DMBX1: variants seen among roughly 807,000 people sequenced by gnomAD.
DMBX1 encodes diencephalon/mesencephalon homeobox protein 1.
In DMBX1, 7 loss-of-function variants were observed where a neutral mutation model predicts 30.4. The observed-to-expected ratio is 0.23, with a 90% confidence interval of 0.13 to 0.43. The LOEUF is 0.43. DMBX1 is among the 20% of genes least tolerant of loss of function. The pLI is 1.00. For missense variants in DMBX1, 460 were observed against 508.5 expected, an observed-to-expected ratio of 0.90 and a Z score of 0.92; for synonymous variants, 222 against 214.2, an observed-to-expected ratio of 1.04 and a Z score of -0.32.
At chr1:46,494,558 C>T (rs752611196) in intron 2 of DMBX1, among the ~76,000 whole-genome samples, 18 of 152,136 alleles carry the variant, frequency 1.2e-4, no homozygotes, top group African/African-American at 1.7e-4. Context: ...GGCCACTGGC[C>T]GGTGGTTGGC....
chr1:46,512,119 G>T lies in DMBX1; in HGVS notation c.759G>T (p.Ser253=), dbSNP rs114951731. The change falls in exon 6 of 6, where the codon TCG becomes TCT. Residue 253 remains serine, a synonymous_variant. Transcript: ENST00000360032. The surrounding 1 kb of genome is among the most constrained non-coding windows in gnomAD (Gnocchi z 4.8). ...GLLGPSHSYS[S]SPLSLFRLQE... ...TGGGCCCCTCCCACTCCTATTCCTCGTCCCCGCTGAGCCTCTTCCGTCTGC... is the reference window on the plus strand; with the variant it reads ...TGGGCCCCTCCCACTCCTATTCCTCTTCCCCGCTGAGCCTCTTCCGTCTGC... 1.2e-6 allele frequency: 2 copies of T among 1,613,770 alleles called. No homozygotes were observed. Among genetic ancestry groups the T allele is most frequent in the Non-Finnish European group, 1.7e-6 (2 of 1,179,930 alleles).
rs1047275612 is a variant in DMBX1, at chr1:46,510,034, G to T, written c.155-442G>T. 6.6e-6 allele frequency among the ~76,000 whole-genome samples: 1 copy of T among 152,136 alleles called. No individual in the cohort carries two copies. Among genetic ancestry groups the T allele is most frequent in the Non-Finnish European group, 1.5e-5 (1 of 68,016 alleles). On this transcript the variant is annotated intron_variant, in intron 3 of 5. Transcript: ENST00000360032. This position sits in a 1 kb window ranked among gnomAD's most constrained non-coding sequence, Gnocchi z 4.1. ...CCCAGCCTGGCTTCTCATGGGCAGG[G>T]ACCAGTACTCTGATGCTAAAGAAGT... is the stretch of plus-strand genomic sequence containing the variant.
chr1:46,501,080 G>A (rs1048014499), intron 2 of DMBX1, among the ~76,000 whole-genome samples: 7 of 152,032 alleles, frequency 4.6e-5, no homozygotes, highest in African/African-American at 1.2e-4. Context: ...ATAACCCTGT[G>A]TAATAATTTT....
chr1:46,514,772 T>C lies in DMBX1; in HGVS notation c.*2278T>C, dbSNP rs1009245525. On this transcript the variant is annotated 3_prime_UTR_variant, in exon 6 of 6. Transcript: ENST00000360032. The stretch of plus-strand genomic sequence containing the variant: ...TCCCAGTGGGAAGAGAGAGGTTCTG[T>C]TGGTGTCCTGGTTGAATTGCTTTGC... 1.3e-5 allele frequency among the ~76,000 whole-genome samples: 2 copies of C among 152,166 alleles called. No individual in the cohort carries two copies. Among genetic ancestry groups the C allele is most frequent in the African/African-American group, 4.8e-5 (2 of 41,442 alleles).
chr1:46,515,889 T>A lies in DMBX1; in HGVS notation c.*3395T>A, dbSNP rs1361475024. On this transcript the variant is annotated 3_prime_UTR_variant, in exon 6 of 6. Coordinates refer to ENST00000360032, the MANE Select transcript of DMBX1 (RefSeq NM_172225.2). Reference sequence around the variant, plus strand: ...AGTCTCCATTTCTCTGTTTCCTCACTCCCTCAGAGCATGGTCCAGGGGCCC... The same window carrying A: ...AGTCTCCATTTCTCTGTTTCCTCACACCCTCAGAGCATGGTCCAGGGGCCC... Among the ~76,000 whole-genome samples the A allele has an allele frequency of 6.6e-6, 1 of 152,264 alleles. No homozygotes were observed. The highest frequency in any genetic ancestry group is 1.9e-4 in the East Asian group (1 of 5,178).
chr1:46,508,582 C>G (rs185571985), intron 3 of DMBX1, among the ~76,000 whole-genome samples: 13 of 152,268 alleles, frequency 8.5e-5, no homozygotes, highest in African/African-American at 3.1e-4. Context: ...CAGCTCCTGA[C>G]AGTATTCCAG....
Position 46,499,140 on chromosome 1 carries a change from G to A in DMBX1, c.-12-7859G>A, listed in dbSNP as rs193154442. Among the ~76,000 whole-genome samples the A allele has an allele frequency of 4.6e-5, 7 of 151,838 alleles. No individual in the cohort carries two copies. In the East Asian group the frequency reaches 1.4e-3, roughly 29 times the overall value. On this transcript the variant is annotated intron_variant, in intron 2 of 5. Coordinates refer to ENST00000360032, the MANE Select transcript of DMBX1 (RefSeq NM_172225.2). ...CAACCTCCGCCTCCCCGGTTCAAGC[G>A]ATTCTCCTGCCTCAGCCTCCCGAGT...
intron 2 of DMBX1, among the ~76,000 whole-genome samples, chr1:46,503,297 T>C (rs1666172307): frequency 6.6e-6 from 1 of 152,206 alleles, no homozygotes; most frequent in Non-Finnish European, 1.5e-5. Context: ...CTCTTGTCAT[T>C]CTCCTCCTCT....
rs143132831 is a variant in DMBX1, at chr1:46,495,838, C to T, written c.-13+5055C>T. 6.4e-3 allele frequency among the ~76,000 whole-genome samples: 970 copies of T among 152,212 alleles called. 13 individuals carry two copies. The highest frequency in any genetic ancestry group is 0.022 in the African/African-American group (928 of 41,514). On this transcript the variant is annotated intron_variant, in intron 2 of 5. Coordinates refer to ENST00000360032, the MANE Select transcript of DMBX1 (RefSeq NM_172225.2). ...CATGCTGGTGGAGGGACAACATTCC[C>T]GGAGTGGGAGGCAGCCACATAGTAG...
rs779276083 is a variant in DMBX1 at position 46,510,141 on chromosome 1, C to T, written c.155-335C>T. On this transcript the variant is annotated intron_variant, in intron 3 of 5. Coordinates refer to ENST00000360032, the MANE Select transcript of DMBX1 (RefSeq NM_172225.2). This position sits in a 1 kb window ranked among gnomAD's most constrained non-coding sequence, Gnocchi z 4.1. Reference sequence around the variant, plus strand: ...ACAGATTATTAGCATCATGGAGTCTCAAAGTATACTCATAGTATCCATCTT... The same window carrying T: ...ACAGATTATTAGCATCATGGAGTCTTAAAGTATACTCATAGTATCCATCTT... Among the ~76,000 whole-genome samples the T allele has an allele frequency of 7.2e-5, 11 of 152,166 alleles. No homozygotes were observed. Among genetic ancestry groups the T allele is most frequent in the Non-Finnish European group, 1.5e-4 (10 of 68,038 alleles).
At position 46,515,460 on chromosome 1, in the gene DMBX1, C is replaced by G. The variant is rs944572111; in HGVS notation, c.*2966C>G. ...CTGTCATGGCTGGAGGCAGGCCCAC[C>G]TTAGGAGCAGCCGAGCTTCCCTCAG... On this transcript the variant is annotated 3_prime_UTR_variant, in exon 6 of 6. Transcript: ENST00000360032. 1.3e-5 allele frequency among the ~76,000 whole-genome samples: 2 copies of G among 152,216 alleles called. No homozygotes were observed. The highest frequency in any genetic ancestry group is 4.8e-5 in the African/African-American group (2 of 41,464).
At chr1:46,506,679 G>C (rs1666241776) in intron 2 of DMBX1, among the ~76,000 whole-genome samples, 1 of 152,142 alleles carries the variant, frequency 6.6e-6, no homozygotes, top group South Asian at 2.1e-4. Context: ...AGAAACTATG[G>C]GTCAGATAAG....
At chr1:46,508,106 AC>A (rs1192299776) in intron 3 of DMBX1, among the ~76,000 whole-genome samples, 4 of 151,760 alleles carry the variant, frequency 2.6e-5, no homozygotes, top group African/African-American at 7.3e-5. Context: ...AGGTGGTGCC[AC>A]CCACCCCATC....
chr1:46,510,687 G>C lies in DMBX1; in HGVS notation c.333+33G>C, dbSNP rs772501036. On this transcript the variant is annotated intron_variant, in intron 4 of 5. Coordinates refer to ENST00000360032, the MANE Select transcript of DMBX1 (RefSeq NM_172225.2). The surrounding 1 kb of genome is among the most constrained non-coding windows in gnomAD (Gnocchi z 4.1). Reference sequence around the variant, plus strand: ...CCAACTCTCCTAACTAGGCCTTGCAGACAAACACCAGCCCATCAGTCTGCC... The same window carrying C: ...CCAACTCTCCTAACTAGGCCTTGCACACAAACACCAGCCCATCAGTCTGCC... 5.6e-6 allele frequency: 9 copies of C among 1,600,530 alleles called. No individual in the cohort carries two copies. Among genetic ancestry groups the C allele is most frequent in the Non-Finnish European group, 1.7e-6 (2 of 1,172,664 alleles).
At position 46,493,618 on chromosome 1, in the gene DMBX1, G is replaced by C. The variant is rs1007376483; in HGVS notation, c.-13+2835G>C. ...GCGGCAGGAGGGAGCACATTTCCCA[G>C]ATGGGGTCACTCCTTCCCTCTGGTC... On this transcript the variant is annotated intron_variant, in intron 2 of 5. Transcript: ENST00000360032. This position sits in a 1 kb window ranked among gnomAD's most constrained non-coding sequence, Gnocchi z 4.1. Among the ~76,000 whole-genome samples the C allele has an allele frequency of 6.6e-6, 1 of 152,232 alleles. No homozygotes were observed. The highest frequency in any genetic ancestry group is 1.5e-5 in the Non-Finnish European group (1 of 68,028).
chr1:46,490,217 CAG>C (rs1277921838), intron 1 of DMBX1, among the ~76,000 whole-genome samples: 1 of 152,132 alleles, frequency 6.6e-6, no homozygotes, highest in Non-Finnish European at 1.5e-5. Flanking sequence ...AATTCCGAGG[CAG>C]AGAGAGCGGA....
intron 2 of DMBX1, among the ~76,000 whole-genome samples, chr1:46,502,064 T>C (rs1666147418): frequency 1.3e-5 from 2 of 152,198 alleles, no homozygotes; most frequent in South Asian, 4.1e-4. Flanking sequence ...GAGGTTATGG[T>C]TATGGTGTGT....
chr1:46,500,565 A>C (rs939039368), intron 2 of DMBX1, among the ~76,000 whole-genome samples: 5 of 151,640 alleles, frequency 3.3e-5, no homozygotes, highest in Admixed American at 6.6e-5. Flanking sequence ...TCCCCCAAAA[A>C]AGAAAGAAAG....
chr1:46,494,592 A>T (rs1665993852), intron 2 of DMBX1, among the ~76,000 whole-genome samples: 1 of 152,112 alleles, frequency 6.6e-6, no homozygotes, highest in African/African-American at 2.4e-5. Context: ...GGGACCCTGG[A>T]ACTCTCCCAG....
Sources: allele counts gnomAD v4.1 joint callset (sites outside exome capture counted in the v4.1 genomes callset), GRCh38; gene constraint gnomAD v4.1.1; non-coding constraint Gnocchi (gnomAD v3.1); transcripts MANE v1.5; gene names NCBI Gene and HGNC (gene_info 2026-07-23, HGNC 2026-07-21).